The following TXLNB variants were observed in gnomAD, a reference collection of about 807,000 sequenced individuals.
TXLNB encodes beta-taxilin.
In TXLNB, 37 loss-of-function variants were observed where a neutral mutation model predicts 57.4. The ratio of observed to expected loss-of-function variants is 0.64; its 90% CI spans 0.50 to 0.85. The LOEUF is 0.85. Ranked by LOEUF, TXLNB falls within the 40% of genes least tolerant of loss-of-function variation. TXLNB has a pLI of 0.00. For synonymous variants in TXLNB, 302 were observed against 309.6 expected, an observed-to-expected ratio of 0.98 and a Z score of 0.26; for missense variants, 848 against 825.6, an observed-to-expected ratio of 1.03 and a Z score of -0.33.
chr6:139,300,012 TTC>T, the TXLNB span, among the ~76,000 whole-genome samples: 1 of 152,202 alleles, frequency 6.6e-6, no homozygotes, highest in African/African-American at 2.4e-5. Context: ...CATTTTTCTC[TTC>T]TCTGTCTAGT....
At chr6:139,312,289 A>T in the TXLNB span, among the ~76,000 whole-genome samples, 1 of 148,614 alleles carries the variant, frequency 6.7e-6, no homozygotes, top group East Asian at 1.9e-4. Flanking sequence ...GAGGAAAGGT[A>T]AAAAAAATCA....
At chr6:139,270,367 C>G in intron 4 of TXLNB, 89 bp downstream of exon 4, 1 of 1,307,506 alleles carries the variant, frequency 7.6e-7, no homozygotes, top group Non-Finnish European at 1.0e-6. Context: ...CTCTCTGATT[C>G]TAAAATTCAC....
chr6:139,293,496 G>A (rs547528020), upstream of TXLNB, among the ~76,000 whole-genome samples: 1 of 152,090 alleles, frequency 6.6e-6, no homozygotes, highest in East Asian at 1.9e-4. Flanking sequence ...GCTGGGAAAG[G>A]CAAGGAAACA....
intron 2 of TXLNB, among the ~76,000 whole-genome samples, chr6:139,286,056 C>T (rs1211119313): frequency 2.6e-5 from 4 of 152,052 alleles, no homozygotes; most frequent in Admixed American, 1.3e-4. Context: ...GGAACTTTGG[C>T]CTCTCACTCA....
chr6:139,252,923 TG>T (rs1250344967), intron 7 of TXLNB, among the ~76,000 whole-genome samples: 2 of 151,944 alleles, frequency 1.3e-5, no homozygotes, highest in Non-Finnish European at 2.9e-5. Context: ...CCCCGGGAGG[TG>T]GAGCTTGCAG....
Position 139,242,996 on chromosome 6 carries a change from T to C in TXLNB, c.1585A>G (p.Ser529Gly), listed in dbSNP as rs1398750402. 4 of 1,614,038 alleles carry C rather than the reference T, an allele frequency of 2.5e-6. No individual in the cohort carries two copies. Among genetic ancestry groups the C allele is most frequent in the East Asian group, 2.2e-5 (1 of 44,886 alleles). ...GCGGCGTCAGCACTCTCCTGAGAACTGCCTATTTCGGGTTGGGTTTCTTTG... is the reference window on the plus strand; with the variant it reads ...GCGGCGTCAGCACTCTCCTGAGAACCGCCTATTTCGGGTTGGGTTTCTTTG... ...QSKETQPEIGSSQESADAALK... is the reference protein window; with the variant it reads ...QSKETQPEIGGSQESADAALK... The change falls in exon 10 of 10, where the codon AGT (serine) becomes GGT (glycine). Residue 529 changes from serine to glycine, a missense_variant. Transcript: ENST00000358430.
the TXLNB span, among the ~76,000 whole-genome samples, chr6:139,317,520 A>C: frequency 4.2e-4 from 63 of 151,676 alleles, no homozygotes; most frequent in Non-Finnish European, 7.5e-4. Flanking sequence ...CTGCCTCAGC[A>C]TCCCGAGTAG....
chr6:139,185,792 A>G, the TXLNB span, among the ~76,000 whole-genome samples: 1 of 152,092 alleles, frequency 6.6e-6, no homozygotes, highest in East Asian at 1.9e-4. Context: ...AATGTCCTTC[A>G]CTTTTTTTCT....
chr6:139,198,747 C>T, the TXLNB span, among the ~76,000 whole-genome samples: 1 of 152,150 alleles, frequency 6.6e-6, no homozygotes. Context: ...ATGGCCATAG[C>T]ACCTGCTCAG....
the TXLNB span, chr6:139,159,215 C>A: frequency 1.3e-5 from 2 of 152,252 alleles, no homozygotes; most frequent in Admixed American, 1.3e-4. Flanking sequence ...TCCAGGCAGG[C>A]TGGCTCTGTG....
At chr6:139,215,857 A>G in the TXLNB span, among the ~76,000 whole-genome samples, 1 of 152,222 alleles carries the variant, frequency 6.6e-6, no homozygotes, top group African/African-American at 2.4e-5. Context: ...TATGCAGCCT[A>G]AAAACACATG....
intron 2 of TXLNB, among the ~76,000 whole-genome samples, chr6:139,280,007 G>A (rs1008186549): frequency 1.3e-5 from 2 of 152,110 alleles, no homozygotes; most frequent in Admixed American, 6.5e-5. Context: ...CGAGCGTGGT[G>A]GCTCATGCTT....
At chr6:139,217,008 C>G in the TXLNB span, among the ~76,000 whole-genome samples, 1 of 152,124 alleles carries the variant, frequency 6.6e-6, no homozygotes, top group African/African-American at 2.4e-5. Context: ...ACCCCAAAAA[C>G]TATTGAAATA....
intron 4 of TXLNB, among the ~76,000 whole-genome samples, chr6:139,267,613 A>G (rs1776646761): frequency 6.6e-6 from 1 of 152,246 alleles, no homozygotes; most frequent in African/African-American, 2.4e-5. Context: ...ATAAAATGGT[A>G]GACATATATC....
intron 4 of TXLNB, among the ~76,000 whole-genome samples, chr6:139,266,590 C>T (rs116706407): frequency 0.014 from 2,204 of 152,054 alleles, 42 homozygotes; most frequent in African/African-American, 0.051. Flanking sequence ...AAGACTGACT[C>T]GAAGACCTGT....
the TXLNB span, among the ~76,000 whole-genome samples, chr6:139,173,672 T>C: frequency 1.3e-5 from 2 of 152,190 alleles, no homozygotes; most frequent in African/African-American, 4.8e-5. Flanking sequence ...TTCCTAATTA[T>C]TTAAACTGTG....
chr6:139,233,527 C>T, the TXLNB span, among the ~76,000 whole-genome samples: 1 of 151,746 alleles, frequency 6.6e-6, no homozygotes, highest in African/African-American at 2.4e-5. Flanking sequence ...TCCTTGACCT[C>T]CTGGACTTGG....
At chr6:139,262,256 C>T (rs1456134610) in intron 5 of TXLNB, among the ~76,000 whole-genome samples, 1 of 152,038 alleles carries the variant, frequency 6.6e-6, no homozygotes, top group Non-Finnish European at 1.5e-5. Context: ...AGAGGGAGTG[C>T]GTGAGTTATT....
At chr6:139,268,846 T>G (rs544539863) in intron 4 of TXLNB, 1 of 152,154 alleles carries the variant, frequency 6.6e-6, no homozygotes, top group Non-Finnish European at 1.5e-5. Context: ...TCTGTCTTTG[T>G]TTTTTTGGTG....
Sources: gnomAD v4.1 joint callset for allele counts (sites outside exome capture counted in the v4.1 genomes callset) on GRCh38, gnomAD v4.1.1 for gene constraint, MANE v1.5 for transcripts, NCBI Gene and HGNC (gene_info 2026-07-23, HGNC 2026-07-21) for gene names.